The following FSTL5 variants were observed in gnomAD, a reference collection of about 807,000 sequenced individuals.
FSTL5 encodes follistatin like 5, also known as follistatin-related protein 5.
In FSTL5, 62 loss-of-function variants were observed where a neutral mutation model predicts 89.1. That is an observed-to-expected ratio of 0.70 (90% CI 0.57 to 0.86). FSTL5 has a LOEUF of 0.86. FSTL5 is among the 40% of genes least tolerant of loss of function. The pLI is 0.00. For synonymous variants in FSTL5, 383 were observed against 346.2 expected, an observed-to-expected ratio of 1.11 and a Z score of -1.18; for missense variants, 1,057 against 1,001.6, an observed-to-expected ratio of 1.06 and a Z score of -0.75.
intron 6 of FSTL5, 79 bp downstream of exon 6, chr4:161,759,332 G>T: frequency 7.5e-7 from 1 of 1,333,524 alleles, no homozygotes; most frequent in Non-Finnish European, 1.0e-6. Context: ...TGTACTATGA[G>T]AGCAAGCAAA....
intron 6 of FSTL5, among the ~76,000 whole-genome samples, chr4:161,726,226 TC>T (rs1304744817): frequency 1.6e-5 from 1 of 62,664 alleles, no homozygotes; most frequent in Non-Finnish European, 3.8e-5. Context: ...TTTTTCTTTT[TC>T]TTTTTTTTTT....
At chr4:161,793,853 C>G (rs1053540746) in intron 4 of FSTL5, among the ~76,000 whole-genome samples, 1 of 152,160 alleles carries the variant, frequency 6.6e-6, no homozygotes, top group Admixed American at 6.5e-5. Context: ...AGGTGACCCT[C>G]CTGCCTCGGC....
chr4:161,916,614 A>G (rs532186599), intron 4 of FSTL5, among the ~76,000 whole-genome samples: 1 of 152,210 alleles, frequency 6.6e-6, no homozygotes, highest in Non-Finnish European at 1.5e-5. Context: ...ATAGCCTGTT[A>G]TTTCATAATC....
At chr4:161,875,444 C>T (rs924846425) in intron 4 of FSTL5, among the ~76,000 whole-genome samples, 1 of 152,098 alleles carries the variant, frequency 6.6e-6, no homozygotes, top group African/African-American at 2.4e-5. Context: ...CTTCATCTTC[C>T]GGTTGGCTGC....
chr4:162,015,327 C>T (rs1736886268), intron 3 of FSTL5, among the ~76,000 whole-genome samples: 1 of 152,190 alleles, frequency 6.6e-6, no homozygotes, highest in Admixed American at 6.5e-5. Context: ...CATTCCAGAT[C>T]TGCTTACTTG....
intron 3 of FSTL5, among the ~76,000 whole-genome samples, chr4:161,968,637 A>G (rs1242948182): frequency 6.6e-6 from 1 of 152,064 alleles, no homozygotes; most frequent in African/African-American, 2.4e-5. Flanking sequence ...TTCTAAAACA[A>G]CCATTCCTTT....
intron 15 of FSTL5, among the ~76,000 whole-genome samples, chr4:161,427,376 A>T (rs1052307241): frequency 1.3e-5 from 2 of 152,202 alleles, no homozygotes; most frequent in Non-Finnish European, 2.9e-5. Flanking sequence ...TGTTTTTCAC[A>T]AGCTGCTCTG....
chr4:161,731,523 C>A (rs938604737), intron 6 of FSTL5, among the ~76,000 whole-genome samples: 1 of 151,970 alleles, frequency 6.6e-6, no homozygotes, highest in East Asian at 1.9e-4. Context: ...GATGTACTAG[C>A]TTCCCTTCAC....
intron 15 of FSTL5, among the ~76,000 whole-genome samples, chr4:161,440,672 C>T (rs890844332): frequency 2.6e-5 from 4 of 152,108 alleles, no homozygotes; most frequent in African/African-American, 9.7e-5. Flanking sequence ...GCTAGATAAT[C>T]ACACATCTCA....
At chr4:162,094,515 T>C (rs1275735927) in intron 2 of FSTL5, among the ~76,000 whole-genome samples, 1 of 152,126 alleles carries the variant, frequency 6.6e-6, no homozygotes, top group Non-Finnish European at 1.5e-5. Context: ...GAATTTTGTA[T>C]AATGGGCCAC....
chr4:161,959,446 G>A (rs1735112346), intron 3 of FSTL5, among the ~76,000 whole-genome samples: 1 of 151,886 alleles, frequency 6.6e-6, no homozygotes, highest in Admixed American at 6.6e-5. Context: ...TATGCTTTAG[G>A]TAAATAGTTT....
chr4:161,428,520 G>A (rs1732241666), intron 15 of FSTL5, among the ~76,000 whole-genome samples: 1 of 152,182 alleles, frequency 6.6e-6, no homozygotes, highest in Non-Finnish European at 1.5e-5. Context: ...CTTGTAACTT[G>A]GATACCAGCT....
intron 10 of FSTL5, among the ~76,000 whole-genome samples, chr4:161,537,555 A>G (rs566915754): frequency 3.4e-4 from 52 of 152,330 alleles, no homozygotes; most frequent in African/African-American, 8.9e-4. Flanking sequence ...CCAAGTAATT[A>G]AACAAAATAA....
intron 9 of FSTL5, among the ~76,000 whole-genome samples, chr4:161,539,847 A>C (rs1486380243): frequency 1.3e-5 from 2 of 151,520 alleles, no homozygotes; most frequent in Admixed American, 1.3e-4. Flanking sequence ...CAATGTATTT[A>C]CATTTGCTTC....
rs1733894900 is a variant in FSTL5, at chr4:161,593,303, T to C, written c.895-5728A>G. ...ATCCACTGACTTACCAATGCTCACATAATAGTACTCCAAAAAGCATATCTT... is the reference window on the plus strand; with the variant it reads ...ATCCACTGACTTACCAATGCTCACACAATAGTACTCCAAAAAGCATATCTT... On this transcript the variant is annotated intron_variant, in intron 7 of 15. Coordinates refer to ENST00000306100, the MANE Select transcript of FSTL5 (RefSeq NM_020116.5). Among the ~76,000 whole-genome samples, 5 of 152,246 alleles carry C rather than the reference T, an allele frequency of 3.3e-5. No homozygotes were observed. The South Asian group carries it at 1.0e-3, about 32-fold the overall frequency.
Position 161,546,103 on chromosome 4 carries a change from C to G in FSTL5, c.1016-3410G>C, listed in dbSNP as rs1340000538. On this transcript the variant is annotated intron_variant, in intron 8 of 15. Transcript: ENST00000306100. ...AAATAACAAAAATTGAAATTATAAACTCAATCTTTGTATTTAACTCCAGAT... is the reference window on the plus strand; with the variant it reads ...AAATAACAAAAATTGAAATTATAAAGTCAATCTTTGTATTTAACTCCAGAT... Among the ~76,000 whole-genome samples, 3 of 151,340 alleles carry G rather than the reference C, an allele frequency of 2.0e-5. No homozygotes were observed. The East Asian group carries it at 5.8e-4, about 29-fold the overall frequency.
intron 4 of FSTL5, among the ~76,000 whole-genome samples, chr4:161,917,760 TAAG>T (rs1414072424): frequency 2.0e-5 from 3 of 152,142 alleles, no homozygotes; most frequent in East Asian, 3.9e-4. Context: ...AAGATCCACA[TAAG>T]AAGATGTTTA....
intron 15 of FSTL5, among the ~76,000 whole-genome samples, chr4:161,406,640 G>A (rs1265616807): frequency 6.6e-6 from 1 of 152,012 alleles, no homozygotes; most frequent in Non-Finnish European, 1.5e-5. Context: ...CTGTTGAGCT[G>A]TCTATTTCAC....
In FSTL5 at chr4:161,569,758, AACACACACACACACACACACAC is replaced by A. The variant is rs56387876; in HGVS notation, c.1015+17675_1015+17696del. Among the ~76,000 whole-genome samples, 6 of 134,422 alleles carry A rather than the reference AACACACACACACACACACACAC, an allele frequency of 4.5e-5. No homozygotes were observed. In the South Asian group the frequency reaches 1.4e-3, roughly 30 times the overall value. The allele number at this position is 134,422 out of a possible 152,430, so 88.2% of individuals were successfully genotyped here. ...ATGAGATCTTTAAGTCCAACACACA[AACACACACACACACACACACAC>A]ACACACACACACACACACACCCCAC... On this transcript the variant is annotated intron_variant, in intron 8 of 15. Transcript: ENST00000306100.
Sources: allele counts gnomAD v4.1 joint callset (sites outside exome capture counted in the v4.1 genomes callset), GRCh38; gene constraint gnomAD v4.1.1; transcripts MANE v1.5; gene names NCBI Gene and HGNC (gene_info 2026-07-23, HGNC 2026-07-21).